LRTM3: variants seen among roughly 807,000 people sequenced by gnomAD.
The protein encoded by LRTM3 is leucine rich repeat transmembrane protein 3.
chr13:102,744,428 G>C, the LRTM3 span: 2 of 1,550,014 alleles, frequency 1.3e-6, no homozygotes, highest in Non-Finnish European at 1.7e-6. Context: ...ACGTGGTATT[G>C]AACCAATCTT....
At chr13:102,748,235 TC>T in the LRTM3 span, 1 of 1,551,244 alleles carries the variant, frequency 6.4e-7, no homozygotes, top group Non-Finnish European at 8.7e-7. Flanking sequence ...AGTGTTGCAT[TC>T]CAGTTCCTCA....
At chr13:102,737,305 C>T in the LRTM3 span, 8 of 1,550,984 alleles carry the variant, frequency 5.2e-6, no homozygotes, top group Admixed American at 1.4e-4. Context: ...GCCTTAGTTG[C>T]AAAGTAGCAG....
chr13:102,732,722 T>A, the LRTM3 span: 1 of 1,551,300 alleles, frequency 6.4e-7, no homozygotes, highest in South Asian at 1.2e-5. Context: ...CTTCTCCAGA[T>A]TGGCAGTCCT....
At chr13:102,749,225 A>G in the LRTM3 span, 3 of 1,550,652 alleles carry the variant, frequency 1.9e-6, no homozygotes, top group Non-Finnish European at 2.6e-6. Context: ...TAGAGATGGA[A>G]CATTAAGACT....
chr13:102,758,632 A>C, the LRTM3 span: 1 of 1,515,314 alleles, frequency 6.6e-7, no homozygotes. Context: ...AAAATTCAAA[A>C]ATTTTACAAA....
At chr13:102,736,852 T>C in the LRTM3 span, 21 of 1,551,048 alleles carry the variant, frequency 1.4e-5, no homozygotes, top group African/African-American at 2.9e-4. Flanking sequence ...CATTCAAATA[T>C]GACAATGTAT....
the LRTM3 span, among the ~76,000 whole-genome samples, chr13:102,755,381 C>A: frequency 6.6e-4 from 101 of 152,182 alleles, no homozygotes; most frequent in Non-Finnish European, 1.1e-3. Flanking sequence ...TTTCCAATAG[C>A]AAAGACATGG....
chr13:102,750,068 C>T, the LRTM3 span: 3 of 1,550,388 alleles, frequency 1.9e-6, no homozygotes, highest in Non-Finnish European at 2.6e-6. Context: ...AGAAGAAAAT[C>T]CTGAATTTTT....
chr13:102,749,503 A>G, the LRTM3 span: 1 of 1,551,434 alleles, frequency 6.4e-7, no homozygotes, highest in Admixed American at 2.0e-5. Context: ...TAAACCAAAC[A>G]CAATGTTGGT....
the LRTM3 span, chr13:102,731,087 G>A: frequency 3.9e-6 from 6 of 1,551,228 alleles, no homozygotes; most frequent in Non-Finnish European, 4.4e-6. Flanking sequence ...GTTTTGGAGG[G>A]TATGAGGCAA....
At chr13:102,747,305 T>G in the LRTM3 span, 3 of 1,549,628 alleles carry the variant, frequency 1.9e-6, no homozygotes, top group African/African-American at 1.4e-5. Flanking sequence ...TGCTGCAATT[T>G]TATCTTGCAG....
At chr13:102,739,911 T>C in the LRTM3 span, 1 of 1,550,370 alleles carries the variant, frequency 6.5e-7, no homozygotes, top group Non-Finnish European at 8.7e-7. Flanking sequence ...AGTCTGTTAC[T>C]TGAGGCACCA....
the LRTM3 span, chr13:102,737,257 T>C: frequency 6.4e-7 from 1 of 1,551,186 alleles, no homozygotes; most frequent in Non-Finnish European, 8.7e-7. Context: ...CAAAAGACTT[T>C]GTATGTGCTA....
the LRTM3 span, chr13:102,742,284 T>G: frequency 6.5e-7 from 1 of 1,550,298 alleles, no homozygotes; most frequent in African/African-American, 1.4e-5. Context: ...GCCTTCAATT[T>G]TATCTGTTTG....
the LRTM3 span, chr13:102,740,563 G>GT: frequency 6.5e-7 from 1 of 1,549,110 alleles, no homozygotes. Context: ...TTTTTTTACT[G>GT]TTTTGAGTAT....
chr13:102,758,051 G>T, the LRTM3 span, among the ~76,000 whole-genome samples: 1 of 152,144 alleles, frequency 6.6e-6, no homozygotes, highest in Admixed American at 6.5e-5. Flanking sequence ...GCAGCACCTA[G>T]CTCAGTGTTT....
chr13:102,748,596 G>C, the LRTM3 span: 1 of 1,550,802 alleles, frequency 6.4e-7, no homozygotes, highest in Non-Finnish European at 8.7e-7. Context: ...GAGGAAACAA[G>C]TTTCTGCATA....
the LRTM3 span, chr13:102,733,772 C>G: frequency 6.4e-7 from 1 of 1,551,380 alleles, no homozygotes; most frequent in Non-Finnish European, 8.7e-7. Context: ...TGACCTGACT[C>G]GTGAAGGTTG....
the LRTM3 span, chr13:102,747,808 A>C: frequency 2.5e-5 from 39 of 1,551,178 alleles, no homozygotes; most frequent in African/African-American, 5.1e-4. Context: ...TTTGTGTAGA[A>C]AGAGTTTGTG....
Sources: gnomAD v4.1 joint callset for allele counts (sites outside exome capture counted in the v4.1 genomes callset) on GRCh38, gnomAD v4.1.1 for gene constraint, MANE v1.5 for transcripts, NCBI Gene and HGNC (gene_info 2026-07-23, HGNC 2026-07-21) for gene names.